The following PRKAR1B variants were observed in gnomAD, a reference collection of about 807,000 sequenced individuals.
The protein encoded by PRKAR1B is protein kinase cAMP-dependent type I regulatory subunit beta.
A neutral mutation model predicts 46.5 loss-of-function variants in PRKAR1B; 22 were observed. That is an observed-to-expected ratio of 0.47 (90% CI 0.34 to 0.68). The LOEUF (loss-of-function observed/expected upper bound fraction) is 0.68. Ranked by LOEUF, PRKAR1B falls within the 30% of genes least tolerant of loss-of-function variation. PRKAR1B has a pLI of 0.01. For synonymous variants in PRKAR1B, 259 were observed against 217.7 expected (o/e 1.19, Z -1.67); for missense variants, 445 against 535.6 (o/e 0.83, Z 1.67).
intron 4 of PRKAR1B, among the ~76,000 whole-genome samples, chr7:621,596 C>T (rs1386566608): frequency 6.6e-6 from 1 of 152,208 alleles, no homozygotes; most frequent in African/African-American, 2.4e-5. Context: ...CCCGAGTTTG[C>T]AACCCTTCCC....
At chr7:673,139 C>A (rs1031305076) in intron 4 of PRKAR1B, among the ~76,000 whole-genome samples, 1 of 150,154 alleles carries the variant, frequency 6.7e-6, no homozygotes, top group South Asian at 2.1e-4. Flanking sequence ...CAGGGACCTC[C>A]CGCTTCAGGG....
At chr7:557,343 C>T (rs1269461704) in intron 9 of PRKAR1B, among the ~76,000 whole-genome samples, 3 of 152,262 alleles carry the variant, frequency 2.0e-5, no homozygotes, top group Non-Finnish European at 2.9e-5. Context: ...ACCTGACACA[C>T]AACCATCACT....
At chr7:607,064 C>T (rs745562502) in intron 5 of PRKAR1B, among the ~76,000 whole-genome samples, 5 of 152,074 alleles carry the variant, frequency 3.3e-5, no homozygotes, top group Admixed American at 6.6e-5. Context: ...AGTGCAATGG[C>T]GTGATCTCAG....
At chr7:673,005 A>G (rs34074535) in intron 4 of PRKAR1B, among the ~76,000 whole-genome samples, 1 of 140,228 alleles carries the variant, frequency 7.1e-6, no homozygotes, top group Non-Finnish European at 1.5e-5. Context: ...TGATGGTGCC[A>G]CTGCACTCCA....
At position 685,392 on chromosome 7, in the gene PRKAR1B, A is replaced by ATATG. The variant is rs1316470074; in HGVS notation, c.178-4667_178-4666insCATA. Among the ~76,000 whole-genome samples, 5 of 123,068 alleles carry ATATG rather than the reference A, an allele frequency of 4.1e-5. 1 individual carries two copies. The highest frequency in any genetic ancestry group is 6.6e-5 in the African/African-American group (2 of 30,080). 80.7% of individuals were successfully genotyped at this position (123,068 alleles called of 152,430 possible). Reference sequence around the variant, plus strand: ...CATATATATATATACATACATATATATATATATATGTATATATATACCAAA... The same window carrying ATATG: ...CATATATATATATACATACATATATATATGTATATATATGTATATATATACCAAA... On this transcript the variant is annotated intron_variant, in intron 2 of 10. Coordinates refer to ENST00000537384, the MANE Select transcript of PRKAR1B (RefSeq NM_001164760.2).
At chr7:574,735 C>T (rs1281666724) in intron 9 of PRKAR1B, among the ~76,000 whole-genome samples, 6 of 152,224 alleles carry the variant, frequency 3.9e-5, no homozygotes, top group African/African-American at 1.2e-4. Context: ...TGAGCCACCA[C>T]GCCTGGCCAG....
chr7:583,849 C>T (rs1032701111), intron 8 of PRKAR1B, among the ~76,000 whole-genome samples: 1 of 151,682 alleles, frequency 6.6e-6, no homozygotes, highest in Non-Finnish European at 1.5e-5. Context: ...TGCACACTCA[C>T]CCCCACACAC....
chr7:640,094 C>T lies in PRKAR1B; in HGVS notation c.441-32642G>A, dbSNP rs549390931. Among the ~76,000 whole-genome samples, 73 of 149,200 alleles carry T rather than the reference C, an allele frequency of 4.9e-4. 1 individual carries two copies. The highest frequency in any genetic ancestry group is 1.7e-3 in the African/African-American group (68 of 40,386). ...AGGAGAATCACTTAAACCCGGGAGGCGCAGGTTGCAGTGAGCCGAGATCGT... is the reference window on the plus strand; with the variant it reads ...AGGAGAATCACTTAAACCCGGGAGGTGCAGGTTGCAGTGAGCCGAGATCGT... On this transcript the variant is annotated intron_variant, in intron 4 of 10. Coordinates refer to ENST00000537384, the MANE Select transcript of PRKAR1B (RefSeq NM_001164760.2).
chr7:637,006 G>T (rs1238493099), intron 4 of PRKAR1B, among the ~76,000 whole-genome samples: 1 of 152,222 alleles, frequency 6.6e-6, no homozygotes, highest in African/African-American at 2.4e-5. Flanking sequence ...CCTTGAAGGA[G>T]GTGAGGTGTG....
chr7:632,935 C>T (rs1011294308), intron 4 of PRKAR1B, among the ~76,000 whole-genome samples: 2 of 152,250 alleles, frequency 1.3e-5, no homozygotes, highest in Non-Finnish European at 2.9e-5. Context: ...GGGAAGCAGA[C>T]ACCAGGTCCC....
intron 8 of PRKAR1B, among the ~76,000 whole-genome samples, chr7:583,919 C>T (rs1354448114): frequency 6.6e-6 from 1 of 152,196 alleles, no homozygotes. Flanking sequence ...GGCGCCATCG[C>T]GTATAACTCA....
At chr7:664,572 G>A (rs889969953) in intron 4 of PRKAR1B, among the ~76,000 whole-genome samples, 2 of 152,148 alleles carry the variant, frequency 1.3e-5, no homozygotes, top group African/African-American at 4.8e-5. Context: ...CAGAAGATGT[G>A]GTACCGGAGA....
At chr7:684,634 C>T (rs941688240) in intron 2 of PRKAR1B, among the ~76,000 whole-genome samples, 1 of 152,164 alleles carries the variant, frequency 6.6e-6, no homozygotes, top group African/African-American at 2.4e-5. Flanking sequence ...TGGTGAAAGT[C>T]ATCAAGATCC....
intron 2 of PRKAR1B, among the ~76,000 whole-genome samples, chr7:696,454 T>C (rs1372142765): frequency 1.3e-5 from 2 of 151,928 alleles, no homozygotes; most frequent in Admixed American, 1.3e-4. Flanking sequence ...GTATTTTTAG[T>C]ACAGACAGGG....
rs532686589 is a variant in PRKAR1B, at chr7:601,157, G to A, written c.550-4853C>T. On this transcript the variant is annotated intron_variant, in intron 6 of 10. Transcript: ENST00000537384. ...GATGGGCCTCCGGCACTTGGCCAGC[G>A]CAGTTAAATACCCACGGCAAACGGC... is the stretch of plus-strand genomic sequence containing the variant. Among the ~76,000 whole-genome samples the A allele has an allele frequency of 3.1e-3, 470 of 152,320 alleles. 1 individual carries two copies. The highest frequency in any genetic ancestry group is 0.011 in the African/African-American group (442 of 41,564).
intron 9 of PRKAR1B, among the ~76,000 whole-genome samples, chr7:567,547 T>TCATCAC (rs1324299400): frequency 7.9e-6 from 1 of 126,774 alleles, no homozygotes. Context: ...ATCACCATCA[T>TCATCAC]CATCACCATC....
chr7:707,257 C>T (rs140273412), intron 2 of PRKAR1B, among the ~76,000 whole-genome samples: 6 of 152,350 alleles, frequency 3.9e-5, no homozygotes, highest in East Asian at 1.9e-4. Context: ...CTGTCCCTAT[C>T]AGCTACTGCA....
intron 9 of PRKAR1B, among the ~76,000 whole-genome samples, chr7:558,760 G>GA (rs893785817): frequency 9.9e-5 from 15 of 150,804 alleles, no homozygotes; most frequent in Admixed American, 3.3e-4. Flanking sequence ...CTCAAAAAAA[G>GA]AAAAAAAAAG....
At chr7:716,620 G>C (rs558273455) in intron 1 of PRKAR1B, 1 of 152,222 alleles carries the variant, frequency 6.6e-6, no homozygotes, top group Non-Finnish European at 1.5e-5. Context: ...TGCATGGATG[G>C]TGTTTGTCTT....
Sources: allele counts gnomAD v4.1 joint callset (sites outside exome capture counted in the v4.1 genomes callset), GRCh38; gene constraint gnomAD v4.1.1; transcripts MANE v1.5; gene names NCBI Gene and HGNC (gene_info 2026-07-23, HGNC 2026-07-21).